Variants in CNTN4 observed in about 807,000 individuals in gnomAD.
CNTN4 encodes contactin 4, also known as contactin-4.
In CNTN4, 77 loss-of-function variants were observed where a neutral mutation model predicts 122.5. The ratio of observed to expected loss-of-function variants is 0.63; its 90% CI spans 0.52 to 0.76. The LOEUF (loss-of-function observed/expected upper bound fraction) is 0.76, where lower values mean the gene tolerates loss of function less well. Among genes scored for constraint, CNTN4 ranks in the 30% least tolerant of loss-of-function variants. CNTN4 has a pLI of 0.00. For synonymous variants in CNTN4, 512 were observed against 447.0 expected (o/e 1.15, Z -1.83); for missense variants, 1,256 against 1,259.1 (o/e 1.00, Z 0.04).
chr3:2,641,246 G>A (rs145029656), intron 4 of CNTN4, among the ~76,000 whole-genome samples: 1 of 152,106 alleles, frequency 6.6e-6, no homozygotes, highest in African/African-American at 2.4e-5. Context: ...GGTGCTTCCA[G>A]TGTGACATGT....
intron 2 of CNTN4, among the ~76,000 whole-genome samples, chr3:2,239,558 TC>T: frequency 6.6e-6 from 1 of 152,290 alleles, no homozygotes. Flanking sequence ...CAATTCAGTT[TC>T]CCTAAGCTCA....
intron 12 of CNTN4, among the ~76,000 whole-genome samples, chr3:2,910,063 G>A (rs9836376): frequency 5.8e-4 from 89 of 152,326 alleles, no homozygotes; most frequent in African/African-American, 2.1e-3. Context: ...TCCAACCATG[G>A]CTGAAGGCCC....
intron 16 of CNTN4, among the ~76,000 whole-genome samples, chr3:3,033,833 C>T (rs1699380606): frequency 6.6e-6 from 1 of 152,180 alleles, no homozygotes; most frequent in Admixed American, 6.5e-5. Context: ...TAGTTTCAAG[C>T]CTTCATTTAA....
chr3:3,047,305 C>A (rs1327193963), intron 23 of CNTN4, among the ~76,000 whole-genome samples: 8 of 152,150 alleles, frequency 5.3e-5, no homozygotes, highest in African/African-American at 1.9e-4. Context: ...ACTCTCCACC[C>A]CAAATCAACA....
At chr3:2,523,075 T>C (rs1028053991) in intron 3 of CNTN4, among the ~76,000 whole-genome samples, 2 of 152,068 alleles carry the variant, frequency 1.3e-5, no homozygotes, top group African/African-American at 2.4e-5. Flanking sequence ...AAGTAAAAGA[T>C]TGTGAATGTC....
chr3:2,719,742 T>C (rs1198497441), intron 4 of CNTN4, among the ~76,000 whole-genome samples: 1 of 152,044 alleles, frequency 6.6e-6, no homozygotes, highest in African/African-American at 2.4e-5. Context: ...ACTTTTGAAA[T>C]AGAATGAAAA....
At chr3:2,696,987 A>C (rs1015630039) in intron 4 of CNTN4, among the ~76,000 whole-genome samples, 2 of 152,206 alleles carry the variant, frequency 1.3e-5, no homozygotes, top group Non-Finnish European at 2.9e-5. Flanking sequence ...CGAATTAAAA[A>C]ATAAAATTAT....
At chr3:2,932,033 G>A (rs2094524768) in intron 13 of CNTN4, among the ~76,000 whole-genome samples, 1 of 151,690 alleles carries the variant, frequency 6.6e-6, no homozygotes, top group South Asian at 2.1e-4. Context: ...TGCTGCATGT[G>A]CGTGCATGTG....
chr3:2,101,551 A>ATT (rs149931572), intron 2 of CNTN4, among the ~76,000 whole-genome samples: 29 of 150,012 alleles, frequency 1.9e-4, no homozygotes, highest in Non-Finnish European at 4.0e-4. Context: ...CTACACACTG[A>ATT]TTTTTTTTGT....
At chr3:2,529,766 C>A (rs566426098) in intron 3 of CNTN4, among the ~76,000 whole-genome samples, 1 of 151,910 alleles carries the variant, frequency 6.6e-6, no homozygotes, top group African/African-American at 2.4e-5. Context: ...ATGGTGACCA[C>A]CATATGATGA....
chr3:2,588,077 T>G (rs2080287834), intron 4 of CNTN4, among the ~76,000 whole-genome samples: 1 of 152,128 alleles, frequency 6.6e-6, no homozygotes, highest in East Asian at 1.9e-4. Flanking sequence ...AATTATGTTT[T>G]TTTTTTACTT....
intron 4 of CNTN4, among the ~76,000 whole-genome samples, chr3:2,593,407 A>G (rs1165135878): frequency 6.6e-6 from 1 of 152,228 alleles, no homozygotes; most frequent in Non-Finnish European, 1.5e-5. Flanking sequence ...ATCCCTGCTT[A>G]GTAGATGAGA....
rs772899103 is a variant in CNTN4, at chr3:2,744,105, G to A, written c.183-1417G>A. Among the ~76,000 whole-genome samples the A allele has an allele frequency of 7.2e-5, 11 of 152,294 alleles. No homozygotes were observed. In the East Asian group the frequency reaches 9.7e-4, roughly 13 times the overall value. On this transcript the variant is annotated intron_variant, in intron 5 of 24. Coordinates refer to ENST00000418658, the MANE Select transcript of CNTN4 (RefSeq NM_175607.3). ...GCCGAGATTACAGGCGTGAGCCACCGTGCTTAATCATCTTTGGTTAATTTT... is the reference window on the plus strand; with the variant it reads ...GCCGAGATTACAGGCGTGAGCCACCATGCTTAATCATCTTTGGTTAATTTT...
intron 4 of CNTN4, among the ~76,000 whole-genome samples, chr3:2,729,155 C>T (rs1559437283): frequency 6.6e-6 from 1 of 152,180 alleles, no homozygotes; most frequent in African/African-American, 2.4e-5. Flanking sequence ...GGGTGCTGTT[C>T]TAAGGGTCAT....
intron 3 of CNTN4, among the ~76,000 whole-genome samples, chr3:2,341,764 G>A (rs933419332): frequency 3.3e-5 from 5 of 152,190 alleles, no homozygotes; most frequent in African/African-American, 1.2e-4. Context: ...AGTTTAACTT[G>A]TTGCCAGCAC....
intron 12 of CNTN4, among the ~76,000 whole-genome samples, chr3:2,910,013 G>A (rs770790896): frequency 4.6e-5 from 7 of 152,142 alleles, no homozygotes; most frequent in African/African-American, 1.4e-4. Context: ...CTCTGAATCC[G>A]AAGTACCCCT....
chr3:2,523,057 G>T (rs555658060), intron 3 of CNTN4, among the ~76,000 whole-genome samples: 1 of 152,160 alleles, frequency 6.6e-6, no homozygotes, highest in Admixed American at 6.6e-5. Context: ...GTTATTTAAA[G>T]ATATGTGAAG....
intron 3 of CNTN4, among the ~76,000 whole-genome samples, chr3:2,550,469 C>T (rs544162765): frequency 3.2e-4 from 48 of 152,196 alleles, no homozygotes; most frequent in Non-Finnish European, 3.2e-4. Flanking sequence ...GGAGAGGATG[C>T]AGAGAAATAG....
At chr3:2,317,041 C>A (rs2043127661) in intron 2 of CNTN4, among the ~76,000 whole-genome samples, 1 of 152,146 alleles carries the variant, frequency 6.6e-6, no homozygotes, top group African/African-American at 2.4e-5. Context: ...TGGCCCCTGC[C>A]TTTAGGCACC....
Sources: gnomAD v4.1 joint callset for allele counts (sites outside exome capture counted in the v4.1 genomes callset) on GRCh38, gnomAD v4.1.1 for gene constraint, MANE v1.5 for transcripts, NCBI Gene and HGNC (gene_info 2026-07-23, HGNC 2026-07-21) for gene names.